The following KCNQ1 variants were observed in gnomAD, a reference collection of about 807,000 sequenced individuals.
KCNQ1 encodes the protein potassium voltage-gated channel subfamily KQT member 1.
KCNQ1 carries 49 observed loss-of-function variants against 72.4 expected under a neutral mutation model. The observed-to-expected ratio is 0.68, with a 90% CI of 0.54 to 0.86. The LOEUF (loss-of-function observed/expected upper bound fraction) is 0.86. Ranked by LOEUF, KCNQ1 falls within the 40% of genes least tolerant of loss-of-function variation. The pLI is 0.00. For synonymous variants in KCNQ1, 450 were observed against 412.6 expected (o/e 1.09, Z -1.10); for missense variants, 790 against 945.1 (o/e 0.84, Z 2.15).
chr11:2,648,258 A>G, intron 10 of KCNQ1: 1 of 398,204 alleles, frequency 2.5e-6, no homozygotes, highest in Non-Finnish European at 4.4e-6. Context: ...TTTACCTTTT[A>G]TCTCTATTTC....
intron 10 of KCNQ1, chr11:2,619,486 A>C: frequency 2.5e-6 from 1 of 398,620 alleles, no homozygotes; most frequent in Non-Finnish European, 4.4e-6. Flanking sequence ...CATGTATATT[A>C]AATAAGATTT....
At chr11:2,625,309 G>C (rs1000756243) in intron 10 of KCNQ1, 2 of 398,470 alleles carry the variant, frequency 5.0e-6, no homozygotes, top group Admixed American at 8.8e-5. Flanking sequence ...GGAATGCAGT[G>C]GCATGATCAT....
At chr11:2,847,151 C>T (rs922161149) in intron 15 of KCNQ1, among the ~76,000 whole-genome samples, 1 of 151,998 alleles carries the variant, frequency 6.6e-6, no homozygotes, top group Admixed American at 6.5e-5. Flanking sequence ...GCCCTGTGCC[C>T]TGCAAGCCCC....
chr11:2,823,694 G>A (rs1049908694), intron 15 of KCNQ1, among the ~76,000 whole-genome samples: 13 of 152,334 alleles, frequency 8.5e-5, no homozygotes, highest in Middle Eastern at 3.4e-3. Context: ...CCAAAACAGC[G>A]GAGGATCTCC....
intron 2 of KCNQ1, among the ~76,000 whole-genome samples, chr11:2,534,949 C>T (rs541400453): frequency 8.5e-5 from 13 of 152,326 alleles, no homozygotes; most frequent in South Asian, 4.1e-4. Flanking sequence ...TGTGTATGTG[C>T]GGGCTGGAGC....
At position 2,527,427 on chromosome 11, in the gene KCNQ1, C is replaced by T. The variant is rs1012077176; in HGVS notation, c.387-501C>T. Among the ~76,000 whole-genome samples, 54 of 152,186 alleles carry T rather than the reference C, an allele frequency of 3.5e-4. 1 individual carries two copies. The highest frequency in any genetic ancestry group is 3.3e-4 in the Admixed American group (5 of 15,280). On this transcript the variant is annotated intron_variant, in intron 1 of 15. Transcript: ENST00000155840. The stretch of plus-strand genomic sequence containing the variant: ...ATTTGTAAAATCAGCTTTGTAGAGA[C>T]GTAATTACACACTGCAGTTCATTTG...
rs909545358 is a variant in KCNQ1, at chr11:2,827,415, T to A, written c.1795-20352T>A. ...GGCTGCTCCTGCATTCACCATCACA[T>A]CTGCATTCCAGCAGCAGGAGGGAGG... On this transcript the variant is annotated intron_variant, in intron 15 of 15. Transcript: ENST00000155840. The surrounding 1 kb of genome is among the most constrained non-coding windows in gnomAD (Gnocchi z 6.7). Among the ~76,000 whole-genome samples, 1 of 151,976 alleles carries A rather than the reference T, an allele frequency of 6.6e-6. No individual in the cohort carries two copies. Among genetic ancestry groups the A allele is most frequent in the Non-Finnish European group, 1.5e-5 (1 of 67,986 alleles).
chr11:2,659,727 G>A lies in KCNQ1; in HGVS notation c.1394-2234G>A, dbSNP rs1849916442. The A allele has an allele frequency of 2.5e-6, 1 of 398,386 alleles. No individual in the cohort carries two copies. The highest frequency in any genetic ancestry group is 4.4e-5 in the Admixed American group (1 of 22,724). The allele number at this position is 398,386 out of a possible 1,614,324, so 24.7% of individuals were successfully genotyped here. On this transcript the variant is annotated intron_variant, in intron 10 of 15. Coordinates refer to ENST00000155840, the MANE Select transcript of KCNQ1 (RefSeq NM_000218.3). This position sits in a 1 kb window ranked among gnomAD's most constrained non-coding sequence, Gnocchi z 4.3. ...GCATTCCCACCAGTAACATATGAGA[G>A]TTCTACATGTTCCACATCCTCAAGA...
chr11:2,590,221 C>T (rs1389409501), intron 10 of KCNQ1, among the ~76,000 whole-genome samples: 3 of 152,218 alleles, frequency 2.0e-5, no homozygotes, highest in African/African-American at 7.2e-5. Flanking sequence ...GGAGAAAACA[C>T]AGCAAAGCCT....
At chr11:2,700,414 G>A (rs780474538) in intron 11 of KCNQ1, among the ~76,000 whole-genome samples, 1 of 152,152 alleles carries the variant, frequency 6.6e-6, no homozygotes, top group African/African-American at 2.4e-5. Flanking sequence ...GCCGCACCCC[G>A]ACACTGCTGT....
Position 2,712,970 on chromosome 11 carries a change from G to A in KCNQ1, c.1514+50889G>A, listed in dbSNP as rs553927188. Among the ~76,000 whole-genome samples the A allele has an allele frequency of 9.2e-5, 14 of 152,256 alleles. No homozygotes were observed. Among genetic ancestry groups the A allele is most frequent in the African/African-American group, 3.1e-4 (13 of 41,538 alleles). On this transcript the variant is annotated intron_variant, in intron 11 of 15. Coordinates refer to ENST00000155840, the MANE Select transcript of KCNQ1 (RefSeq NM_000218.3). The surrounding 1 kb of genome is among the most constrained non-coding windows in gnomAD (Gnocchi z 6.4). ...CCGGGTTGTAAACAGGGTGGGGCAG[G>A]GGTCCTGGTAAGTATGAGGAACCAG...
chr11:2,512,364 G>A (rs1177975498), intron 1 of KCNQ1, among the ~76,000 whole-genome samples: 2 of 152,096 alleles, frequency 1.3e-5, no homozygotes, highest in Non-Finnish European at 2.9e-5. Context: ...CCCCGAGATG[G>A]GCAGCCAGGA....
chr11:2,578,982 G>T (rs1848460587), intron 6 of KCNQ1, among the ~76,000 whole-genome samples: 1 of 152,222 alleles, frequency 6.6e-6, no homozygotes, highest in African/African-American at 2.4e-5. Flanking sequence ...GCCAGCTGGG[G>T]TGTGACACCT....
intron 1 of KCNQ1, chr11:2,521,590 G>A (rs768957865): frequency 2.1e-6 from 1 of 466,352 alleles, no homozygotes; most frequent in African/African-American, 2.0e-5. Flanking sequence ...ATGGTGCAGT[G>A]GCTTCCAGCT....
At chr11:2,733,820 T>TCC (rs1845899837) in intron 11 of KCNQ1, among the ~76,000 whole-genome samples, 1 of 25,178 alleles carries the variant, frequency 4.0e-5, no homozygotes, top group Non-Finnish European at 1.0e-4. Context: ...ACACACTCTC[T>TCC]CACTCTCTCT....
rs747238026 is a variant in KCNQ1, at chr11:2,817,305, C to T, written c.1795-30462C>T. On this transcript the variant is annotated intron_variant, in intron 15 of 15. Transcript: ENST00000155840. The surrounding 1 kb of genome is among the most constrained non-coding windows in gnomAD (Gnocchi z 6.1). ...TTTTAACTACGTTGGACAGAACCCA[C>T]GGCGGCCCTTTCCGTGGCTTCAGCC... Among the ~76,000 whole-genome samples, 18 of 152,322 alleles carry T rather than the reference C, an allele frequency of 1.2e-4. No homozygotes were observed. The highest frequency in any genetic ancestry group is 6.2e-4 in the South Asian group (3 of 4,828).
chr11:2,664,963 C>T lies in KCNQ1; in HGVS notation c.1514+2882C>T, dbSNP rs1361766971. Reference sequence around the variant, plus strand: ...GGTGAGGTCACTATAGCCTTGATTACGGGAAGGTCCCTGGGGCTGGGCGAA... The same window carrying T: ...GGTGAGGTCACTATAGCCTTGATTATGGGAAGGTCCCTGGGGCTGGGCGAA... On this transcript the variant is annotated intron_variant, in intron 11 of 15. Coordinates refer to ENST00000155840, the MANE Select transcript of KCNQ1 (RefSeq NM_000218.3). The surrounding 1 kb of genome is among the most constrained non-coding windows in gnomAD (Gnocchi z 5.1). 5 of 398,500 alleles carry T rather than the reference C, an allele frequency of 1.3e-5. No individual in the cohort carries two copies. The highest frequency in any genetic ancestry group is 1.3e-4 in the South Asian group (1 of 7,868). The allele number at this position is 398,500 out of a possible 1,614,324, so 24.7% of individuals were successfully genotyped here. A position where few individuals can be genotyped will look rare whatever the true frequency, so the allele number is the denominator to read the frequency against.
In KCNQ1 at chr11:2,464,532, G is replaced by A. The variant is rs963653875; in HGVS notation, c.386+19048G>A. Among the ~76,000 whole-genome samples the A allele has an allele frequency of 6.6e-6, 1 of 151,932 alleles. No homozygotes were observed. Among genetic ancestry groups the A allele is most frequent in the Non-Finnish European group, 1.5e-5 (1 of 67,964 alleles). On this transcript the variant is annotated intron_variant, in intron 1 of 15. Transcript: ENST00000155840. The surrounding 1 kb of genome is among the most constrained non-coding windows in gnomAD (Gnocchi z 5.0). ...TGGTCCTGGGTCCACATGGTGCTAG[G>A]GTCCCATGGGCTCCTGGCCCCTGGC... is the stretch of plus-strand genomic sequence containing the variant.
intron 11 of KCNQ1, chr11:2,697,850 G>A (rs892339311): frequency 7.3e-5 from 29 of 398,436 alleles, no homozygotes; most frequent in African/African-American, 6.0e-4. Context: ...TCTGAATTTG[G>A]ACATGCTCTG....
Sources: allele counts gnomAD v4.1 joint callset (sites outside exome capture counted in the v4.1 genomes callset), GRCh38; gene constraint gnomAD v4.1.1; non-coding constraint Gnocchi (gnomAD v3.1); transcripts MANE v1.5; gene names NCBI Gene and HGNC (gene_info 2026-07-23, HGNC 2026-07-21).